The following CAMTA1 variants were observed in gnomAD, a reference collection of about 807,000 sequenced individuals.
The protein encoded by CAMTA1 is calmodulin binding transcription activator 1.
Under a neutral mutation model 170.9 loss-of-function variants are expected in CAMTA1, and 27 were observed. The observed-to-expected ratio is 0.16, with a 90% CI of 0.12 to 0.22. The LOEUF is 0.22. Among genes scored for constraint, CAMTA1 ranks in the 10% least tolerant of loss-of-function variants. CAMTA1 has a pLI of 1.00. For missense variants in CAMTA1, 1,619 were observed against 2,217.2 expected (o/e 0.73, Z 5.42); for synonymous variants, 833 against 891.5 (o/e 0.93, Z 1.17).
chr1:7,539,401 G>A (rs2094583400), intron 6 of CAMTA1, among the ~76,000 whole-genome samples: 1 of 152,194 alleles, frequency 6.6e-6, no homozygotes, highest in African/African-American at 2.4e-5. Context: ...CCTCTACCCA[G>A]GTTTCTTCCA....
chr1:7,110,500 G>T (rs1271845560), intron 4 of CAMTA1, among the ~76,000 whole-genome samples: 1 of 152,174 alleles, frequency 6.6e-6, no homozygotes, highest in Non-Finnish European at 1.5e-5. Flanking sequence ...CTTGCCTTCT[G>T]CTGCTTCATT....
In CAMTA1 at chr1:7,293,946, C is replaced by T. The variant is rs970432430; in HGVS notation, c.438+44320C>T. 3.3e-5 allele frequency among the ~76,000 whole-genome samples: 5 copies of T among 152,202 alleles called. No individual in the cohort carries two copies. The highest frequency in any genetic ancestry group is 2.6e-4 in the Admixed American group (4 of 15,288). ...GCTTCGTGCTAGCAGCCTCGCACTT[C>T]CCACCTGTTAAAGCTTGCAAAGATA... is the stretch of plus-strand genomic sequence containing the variant. On this transcript the variant is annotated intron_variant, in intron 5 of 22. Coordinates refer to ENST00000303635, the MANE Select transcript of CAMTA1 (RefSeq NM_015215.4). The surrounding 1 kb of genome is among the most constrained non-coding windows in gnomAD (Gnocchi z 4.1).
At chr1:6,821,028 C>T (rs1361837928) in intron 2 of CAMTA1, among the ~76,000 whole-genome samples, 2 of 151,968 alleles carry the variant, frequency 1.3e-5, no homozygotes, top group East Asian at 1.9e-4. Context: ...AGCCTGGACC[C>T]GAGATTTTGT....
chr1:6,938,637 G>T (rs1571883596), intron 3 of CAMTA1, among the ~76,000 whole-genome samples: 1 of 151,512 alleles, frequency 6.6e-6, no homozygotes, highest in African/African-American at 2.5e-5. Context: ...TTTTCACATG[G>T]TCAGTCGGAG....
chr1:7,372,971 CT>C (rs2086589041), intron 5 of CAMTA1, among the ~76,000 whole-genome samples: 1 of 152,212 alleles, frequency 6.6e-6, no homozygotes, highest in South Asian at 2.1e-4. Context: ...AGTGCCTTTA[CT>C]CAGAGCTCTG....
chr1:7,294,904 T>C (rs1673698999), intron 5 of CAMTA1, among the ~76,000 whole-genome samples: 1 of 152,196 alleles, frequency 6.6e-6, no homozygotes, highest in Non-Finnish European at 1.5e-5. Flanking sequence ...TCCTCTCGCA[T>C]CTGCCCCGTG....
Position 7,443,679 on chromosome 1 carries a change from G to A in CAMTA1, c.439-24151G>A, listed in dbSNP as rs2092607621. On this transcript the variant is annotated intron_variant, in intron 5 of 22. Coordinates refer to ENST00000303635, the MANE Select transcript of CAMTA1 (RefSeq NM_015215.4). The surrounding 1 kb of genome is among the most constrained non-coding windows in gnomAD (Gnocchi z 4.1). The stretch of plus-strand genomic sequence containing the variant: ...GGGGTAGAGGGAGGCCCAGAGCCTG[G>A]GGCATTCTGGGTGAGCTGATGCCAG... Among the ~76,000 whole-genome samples, 1 of 152,142 alleles carries A rather than the reference G, an allele frequency of 6.6e-6. No individual in the cohort carries two copies. The highest frequency in any genetic ancestry group is 6.5e-5 in the Admixed American group (1 of 15,282).
chr1:7,513,622 T>C (rs1469038008), intron 6 of CAMTA1, among the ~76,000 whole-genome samples: 1 of 152,062 alleles, frequency 6.6e-6, no homozygotes, highest in African/African-American at 2.4e-5. Flanking sequence ...GGCTTTTTCT[T>C]ACCAAAACAC....
chr1:7,476,750 A>G (rs527710325), intron 6 of CAMTA1, among the ~76,000 whole-genome samples: 2 of 152,308 alleles, frequency 1.3e-5, no homozygotes, highest in African/African-American at 2.4e-5. Context: ...TGCAGCTTCA[A>G]CATGGCCATG....
At chr1:7,492,369 G>A (rs1432709772) in intron 6 of CAMTA1, among the ~76,000 whole-genome samples, 1 of 152,180 alleles carries the variant, frequency 6.6e-6, no homozygotes, top group Non-Finnish European at 1.5e-5. Flanking sequence ...AGAAGAGCTG[G>A]CTCCGGCCTT....
At chr1:7,134,175 T>C (rs7514689) in intron 4 of CAMTA1, among the ~76,000 whole-genome samples, 5,114 of 152,322 alleles carry the variant, frequency 0.034, 143 homozygotes, top group South Asian at 0.097. Context: ...CCTGCATTAA[T>C]TCACATAGGA....
chr1:6,875,442 C>T (rs188092247), intron 3 of CAMTA1, among the ~76,000 whole-genome samples: 5 of 152,262 alleles, frequency 3.3e-5, no homozygotes, highest in Admixed American at 3.3e-4. Context: ...GCGACCACAC[C>T]TAGCTAATTT....
chr1:7,093,462 A>G lies in CAMTA1; in HGVS notation c.302+2091A>G, dbSNP rs968436809. Reference sequence around the variant, plus strand: ...CACTCTCCGCTGAAACACTCCTTGAATCTAAGTGGAAAGAGAAGAGCTCCT... The same window carrying G: ...CACTCTCCGCTGAAACACTCCTTGAGTCTAAGTGGAAAGAGAAGAGCTCCT... On this transcript the variant is annotated intron_variant, in intron 4 of 22. Coordinates refer to ENST00000303635, the MANE Select transcript of CAMTA1 (RefSeq NM_015215.4). This position sits in a 1 kb window ranked among gnomAD's most constrained non-coding sequence, Gnocchi z 4.6. Among the ~76,000 whole-genome samples the G allele has an allele frequency of 6.6e-6, 1 of 152,052 alleles. No individual in the cohort carries two copies. The highest frequency in any genetic ancestry group is 2.4e-5 in the African/African-American group (1 of 41,392).
intron 1 of CAMTA1, among the ~76,000 whole-genome samples, chr1:6,816,296 T>C (rs777759568): frequency 1.3e-5 from 2 of 152,210 alleles, no homozygotes; most frequent in Non-Finnish European, 2.9e-5. Context: ...TTTACCCCTA[T>C]TGGATAGTGT....
chr1:7,238,140 A>G (rs531220066), intron 4 of CAMTA1, among the ~76,000 whole-genome samples: 2 of 150,076 alleles, frequency 1.3e-5, no homozygotes, highest in South Asian at 4.3e-4. Context: ...CAACTTTAAT[A>G]TGGTCAGTCT....
intron 11 of CAMTA1, among the ~76,000 whole-genome samples, chr1:7,696,048 G>A (rs1271314349): frequency 6.6e-6 from 1 of 152,124 alleles, no homozygotes; most frequent in African/African-American, 2.4e-5. Context: ...ATTTTCACGG[G>A]TACCTGACAG....
rs1261406735 is a variant in CAMTA1, at chr1:7,585,711, C to A, written c.511-54689C>A. Among the ~76,000 whole-genome samples, 1 of 150,916 alleles carries A rather than the reference C, an allele frequency of 6.6e-6. No homozygotes were observed. The highest frequency in any genetic ancestry group is 1.5e-5 in the Non-Finnish European group (1 of 67,984). ...GCCTCAAGGGGCAGGAGGGGAATGG[C>A]CAGGATGCGGGGTGCCCAGTTCATA... On this transcript the variant is annotated intron_variant, in intron 6 of 22. Transcript: ENST00000303635. This position sits in a 1 kb window ranked among gnomAD's most constrained non-coding sequence, Gnocchi z 4.8.
At chr1:6,863,530 T>C (rs1665527557) in intron 3 of CAMTA1, among the ~76,000 whole-genome samples, 1 of 152,220 alleles carries the variant, frequency 6.6e-6, no homozygotes, top group Non-Finnish European at 1.5e-5. Context: ...ATGTCTGAGA[T>C]AGAGCTTCAT....
In CAMTA1 at chr1:7,195,605, C is replaced by G. The variant is rs974097707; in HGVS notation, c.303-53886C>G. Among the ~76,000 whole-genome samples, 1 of 152,222 alleles carries G rather than the reference C, an allele frequency of 6.6e-6. No individual in the cohort carries two copies. Among genetic ancestry groups the G allele is most frequent in the African/African-American group, 2.4e-5 (1 of 41,464 alleles). ...TCTCCCGCCACACATGGCACACTCA[C>G]CTTCAGCCAGGTGCCCGCACTGCTC... On this transcript the variant is annotated intron_variant, in intron 4 of 22. Transcript: ENST00000303635. This position sits in a 1 kb window ranked among gnomAD's most constrained non-coding sequence, Gnocchi z 4.1.
Sources: gnomAD v4.1 joint callset for allele counts (sites outside exome capture counted in the v4.1 genomes callset) on GRCh38, gnomAD v4.1.1 for gene constraint, Gnocchi (gnomAD v3.1) non-coding constraint, MANE v1.5 for transcripts, NCBI Gene and HGNC (gene_info 2026-07-23, HGNC 2026-07-21) for gene names.